Variants in DMD observed in about 807,000 individuals in gnomAD.
DMD encodes the protein mutant dystrophin.
In DMD, 63 loss-of-function variants were observed where a neutral mutation model predicts 330.1. The observed-to-expected ratio is 0.19, with a 90% CI of 0.16 to 0.24. The LOEUF (loss-of-function observed/expected upper bound fraction) is 0.24, where lower values mean the gene tolerates loss of function less well. Among genes scored for constraint, DMD ranks in the 10% least tolerant of loss-of-function variants. The pLI is 1.00. For synonymous variants in DMD, 1,223 were observed against 959.8 expected (o/e 1.27, Z -5.07); for missense variants, 3,344 against 2,684.1 (o/e 1.25, Z -5.43).
intron 60 of DMD, among the ~76,000 whole-genome samples, chrX:31,422,014 TATAA>T (rs1411067849): frequency 1.1e-4 from 6 of 52,835 alleles, no homozygotes; most frequent in African/African-American, 5.8e-4. Context: ...TATATATATA[TATAA>T]ACACACACAC....
intron 13 of DMD, among the ~76,000 whole-genome samples, chrX:32,585,744 C>G (rs1208776636): frequency 1.1e-5 from 1 of 92,528 alleles, no homozygotes; most frequent in African/African-American, 3.7e-5. Flanking sequence ...TATTATTGTT[C>G]CAGCATACTT....
intron 60 of DMD, among the ~76,000 whole-genome samples, chrX:31,442,883 T>C (rs2065040373): frequency 1.8e-5 from 2 of 111,231 alleles, no homozygotes; most frequent in South Asian, 7.6e-4. Flanking sequence ...ATGCCACTTA[T>C]AACAATCTAG....
intron 74 of DMD, among the ~76,000 whole-genome samples, chrX:31,149,072 C>T (rs936789837): frequency 4.5e-5 from 5 of 112,089 alleles, no homozygotes; most frequent in Non-Finnish European, 9.4e-5. Flanking sequence ...TTTCTTACAC[C>T]TACATTTTAA....
chrX:32,934,091 C>T (rs2089809882), intron 2 of DMD, among the ~76,000 whole-genome samples: 2 of 111,637 alleles, frequency 1.8e-5, no homozygotes, highest in Admixed American at 1.9e-4. Context: ...AAGGACATTA[C>T]AAAGATTATC....
intron 9 of DMD, among the ~76,000 whole-genome samples, chrX:32,696,818 G>T (rs900282365): frequency 9.0e-6 from 1 of 111,362 alleles, no homozygotes; most frequent in East Asian, 2.8e-4. Context: ...TCGATGGAGA[G>T]TCAAGAGGTC....
At chrX:32,149,581 G>A (rs1045065776) in intron 44 of DMD, among the ~76,000 whole-genome samples, 15 of 111,455 alleles carry the variant, frequency 1.3e-4, no homozygotes, top group Non-Finnish European at 2.8e-4. Flanking sequence ...CCATAAAATA[G>A]GCACGTGGTA....
chrX:31,180,592 T>G (rs72466543), intron 68 of DMD, 111 bp from the exon 69 acceptor site: 1 of 581,032 alleles, frequency 1.7e-6, no homozygotes, highest in East Asian at 3.6e-5. Flanking sequence ...GAAAGCAATG[T>G]TCATTAGTCC....
intron 1 of DMD, among the ~76,000 whole-genome samples, chrX:33,274,578 T>G (rs917433433): frequency 7.1e-5 from 8 of 112,177 alleles, no homozygotes; most frequent in African/African-American, 2.6e-4. Context: ...GGGAATTGCA[T>G]GTACAAATTC....
At chrX:31,351,961 A>G (rs2058451513) in intron 60 of DMD, among the ~76,000 whole-genome samples, 1 of 110,528 alleles carries the variant, frequency 9.0e-6, no homozygotes, top group Admixed American at 9.7e-5. Flanking sequence ...CCTAAGCTTC[A>G]GTAGTTAGTA....
chrX:32,140,621 T>C (rs960694587), intron 44 of DMD, among the ~76,000 whole-genome samples: 1 of 111,968 alleles, frequency 8.9e-6, no homozygotes, highest in Non-Finnish European at 1.9e-5. Context: ...GAAGAAAAAG[T>C]AGTTTAATTG....
rs180891715 is a variant in DMD at position 32,788,296 on chromosome X, T to C, written c.649+21197A>G. On this transcript the variant is annotated intron_variant, in intron 7 of 78. Transcript: ENST00000357033. ...CAGAGAGGCAATATATAGTCTTTTG[T>C]CCTATGTGACAACAATGGTATTAAA... Among the ~76,000 whole-genome samples, 5 of 111,844 alleles carry C rather than the reference T, an allele frequency of 4.5e-5. No homozygotes were observed. In the East Asian group the frequency reaches 1.1e-3, roughly 25 times the overall value.
At chrX:32,725,970 C>T (rs1250023525) in intron 7 of DMD, among the ~76,000 whole-genome samples, 2 of 110,689 alleles carry the variant, frequency 1.8e-5, no homozygotes, top group Non-Finnish European at 3.8e-5. Context: ...TATACACATA[C>T]AAACTATGTA....
chrX:32,142,761 T>C (rs1374816898), intron 44 of DMD, among the ~76,000 whole-genome samples: 1 of 112,501 alleles, frequency 8.9e-6, no homozygotes, highest in Non-Finnish European at 1.9e-5. Flanking sequence ...CTGTGCATGC[T>C]TGTTAGAATA....
chrX:31,241,033 C>A (rs1372139892), intron 63 of DMD, among the ~76,000 whole-genome samples: 2 of 110,973 alleles, frequency 1.8e-5, no homozygotes, highest in African/African-American at 6.5e-5. Context: ...CTCAAAAGCT[C>A]CAAAGAGGAG....
intron 37 of DMD, among the ~76,000 whole-genome samples, chrX:32,354,361 T>A (rs1453997327): frequency 4.5e-5 from 5 of 111,192 alleles, no homozygotes; most frequent in Non-Finnish European, 7.6e-5. Flanking sequence ...AAATAAAGAA[T>A]TCATGGAAAC....
intron 57 of DMD, among the ~76,000 whole-genome samples, chrX:31,493,564 T>C (rs779546908): frequency 3.6e-4 from 40 of 109,948 alleles, no homozygotes; most frequent in Non-Finnish European, 6.9e-4. Flanking sequence ...ATGGAGGCAG[T>C]ATGGCTGGCA....
At chrX:32,295,321 G>A (rs331328) in intron 42 of DMD, among the ~76,000 whole-genome samples, 34,853 of 111,097 alleles carry the variant, frequency 0.31, 4,468 homozygotes, top group Admixed American at 0.52. Context: ...CCCTGATTAT[G>A]CACTGTGAAT....
intron 44 of DMD, among the ~76,000 whole-genome samples, chrX:32,187,037 T>C (rs908587302): frequency 6.3e-5 from 7 of 110,440 alleles, no homozygotes; most frequent in Non-Finnish European, 1.3e-4. Flanking sequence ...AATAAAGAAG[T>C]TCAGATTTTA....
intron 20 of DMD, among the ~76,000 whole-genome samples, chrX:32,486,054 T>C (rs1294918844): frequency 9.1e-6 from 1 of 110,199 alleles, no homozygotes; most frequent in African/African-American, 3.3e-5. Context: ...TGCCACTTTT[T>C]AAATTACGGT....
Sources: allele counts gnomAD v4.1 joint callset (sites outside exome capture counted in the v4.1 genomes callset), GRCh38; gene constraint gnomAD v4.1.1; transcripts MANE v1.5; gene names NCBI Gene and HGNC (gene_info 2026-07-23, HGNC 2026-07-21).